Variants in SLC16A6 observed in about 807,000 individuals in gnomAD.
SLC16A6 encodes monocarboxylate transporter 7.
Under a neutral mutation model 33.8 loss-of-function variants are expected in SLC16A6, and 15 were observed. That is an observed-to-expected ratio of 0.44 (90% CI 0.30 to 0.68). The LOEUF is 0.68. SLC16A6 is among the 30% of genes least tolerant of loss of function. The probability of loss-of-function intolerance (pLI) is 0.10; values close to 1 mark genes in which losing one functional copy is unlikely to be tolerated. For synonymous variants in SLC16A6, 219 were observed against 248.4 expected, an observed-to-expected ratio of 0.88 and a Z score of 1.11; for missense variants, 451 against 661.5, an observed-to-expected ratio of 0.68 and a Z score of 3.49.
intron 1 of SLC16A6, among the ~76,000 whole-genome samples, chr17:68,284,348 C>T (rs1000901843): frequency 1.3e-5 from 2 of 152,144 alleles, no homozygotes; most frequent in Admixed American, 1.3e-4. Context: ...GAGCCAAGAT[C>T]GTGCCACTGC....
At chr17:68,282,553 C>G (rs1219783077) in intron 1 of SLC16A6, among the ~76,000 whole-genome samples, 5 of 151,286 alleles carry the variant, frequency 3.3e-5, no homozygotes, top group African/African-American at 1.2e-4. Context: ...AATCCCAGCA[C>G]TTTGGGAAAC....
intron 1 of SLC16A6, among the ~76,000 whole-genome samples, chr17:68,280,179 CAAA>C (rs58937538): frequency 0.22 from 19,415 of 87,026 alleles, 1,156 homozygotes; most frequent in East Asian, 0.34. Flanking sequence ...AACTCTGTCT[CAAA>C]AAAAAAAAAA....
intron 1 of SLC16A6, among the ~76,000 whole-genome samples, chr17:68,289,617 G>C (rs2075922745): frequency 6.6e-6 from 1 of 152,172 alleles, no homozygotes; most frequent in Non-Finnish European, 1.5e-5. Context: ...GTCTGTATTT[G>C]GCTAAAGTTC....
Position 68,278,073 on chromosome 17 carries a change from C to A in SLC16A6, c.232+16G>T. The A allele has an allele frequency of 1.9e-6, 3 of 1,589,154 alleles. No individual in the cohort carries two copies. In the African/African-American group the frequency reaches 4.0e-5, roughly 21 times the overall value. On this transcript the variant is annotated intron_variant, in intron 2 of 5. Transcript: ENST00000580666. ...CCCTATACTTACGTCATGGTTAGGCCGAAAGATGTACTAACCTGAAAATGT... is the reference window on the plus strand; with the variant it reads ...CCCTATACTTACGTCATGGTTAGGCAGAAAGATGTACTAACCTGAAAATGT...
intron 1 of SLC16A6, among the ~76,000 whole-genome samples, chr17:68,290,742 TGGAGCCCCCGACTCTTCCGACGTCCC>T (rs1435363143): frequency 6.6e-5 from 10 of 152,322 alleles, no homozygotes; most frequent in East Asian, 3.9e-4. Context: ...GGGCTGAGCC[TGGAGCCCCCGACTCTTCCGACGTCCC>T]GGAGCCCCCA....
chr17:68,288,671 C>T (rs1480419432), intron 1 of SLC16A6, among the ~76,000 whole-genome samples: 1 of 152,150 alleles, frequency 6.6e-6, no homozygotes, highest in Non-Finnish European at 1.5e-5. Flanking sequence ...CTCTTCCTGC[C>T]CTAATAGTCT....
At chr17:68,291,470 G>T (rs1427550169), upstream of SLC16A6, 1 of 150,804 alleles carries the variant, frequency 6.6e-6, no homozygotes, top group African/African-American at 2.4e-5. Flanking sequence ...CGCAGCCAAG[G>T]AGGGGGCCTG....
intron 2 of SLC16A6, 105 bp from the exon 3 acceptor site, chr17:68,274,175 T>C: frequency 7.8e-7 from 1 of 1,284,034 alleles, no homozygotes; most frequent in East Asian, 2.4e-5. Flanking sequence ...TGATGTCGAA[T>C]ATAAATATGG....
At chr17:68,289,519 A>G (rs2075918857) in intron 1 of SLC16A6, among the ~76,000 whole-genome samples, 2 of 152,260 alleles carry the variant, frequency 1.3e-5, no homozygotes, top group Non-Finnish European at 1.5e-5. Flanking sequence ...GACCTCGAGC[A>G]AAAGCACTGC....
intron 1 of SLC16A6, among the ~76,000 whole-genome samples, chr17:68,289,549 A>C (rs1481075223): frequency 1.3e-5 from 2 of 152,234 alleles, no homozygotes; most frequent in African/African-American, 4.8e-5. Context: ...TTCTTCTTAA[A>C]GGCGTAGCCC....
rs183820576 is a variant in SLC16A6, at chr17:68,276,176, C to T, written c.232+1913G>A. ...TGGCACAATCTCAGCTCACTGCAAC[C>T]TCTGCCTCCCAGGATCAAGTGATTC... On this transcript the variant is annotated intron_variant, in intron 2 of 5. Transcript: ENST00000580666. 2.0e-3 allele frequency among the ~76,000 whole-genome samples: 296 copies of T among 151,610 alleles called. 5 individuals carry two copies. Among genetic ancestry groups the T allele is most frequent in the Middle Eastern group, 0.017 (5 of 294 alleles).
At chr17:68,285,384 G>C (rs1412055043) in intron 1 of SLC16A6, among the ~76,000 whole-genome samples, 2 of 152,186 alleles carry the variant, frequency 1.3e-5, no homozygotes, top group Non-Finnish European at 2.9e-5. Context: ...AAACTCCTGG[G>C]CTCGTGCAGG....
intron 1 of SLC16A6, among the ~76,000 whole-genome samples, chr17:68,280,830 T>C (rs937830326): frequency 3.4e-4 from 52 of 152,178 alleles, no homozygotes; most frequent in African/African-American, 1.2e-3. Context: ...AAAGGAAACA[T>C]ATCAACAGAG....
intron 1 of SLC16A6, among the ~76,000 whole-genome samples, chr17:68,289,225 G>A (rs2075910582): frequency 6.6e-6 from 1 of 152,120 alleles, no homozygotes; most frequent in Admixed American, 6.6e-5. Flanking sequence ...TTGAGCCCGG[G>A]AGGTCGAGGC....
intron 1 of SLC16A6, among the ~76,000 whole-genome samples, chr17:68,283,878 C>CAAAAAAAAAA (rs58291216): frequency 1.8e-5 from 1 of 55,430 alleles, no homozygotes; most frequent in Non-Finnish European, 3.4e-5. Flanking sequence ...AACTCCGTCT[C>CAAAAAAAAAA]AAAAAAAAAA....
chr17:68,282,398 T>C (rs1336492926), intron 1 of SLC16A6, among the ~76,000 whole-genome samples: 5 of 151,902 alleles, frequency 3.3e-5, no homozygotes, highest in African/African-American at 9.7e-5. Context: ...ATATACCTAA[T>C]GTTAAATGAC....
chr17:68,276,806 G>A, intron 2 of SLC16A6, among the ~76,000 whole-genome samples: 1 of 151,990 alleles, frequency 6.6e-6, no homozygotes, highest in East Asian at 1.9e-4. Flanking sequence ...GAAAACCCTT[G>A]GCAATTATTT....
At position 68,267,433 on chromosome 17, in the gene SLC16A6, C is replaced by G. The variant is rs782087205; in HGVS notation, c.*1663G>C. The G allele has an allele frequency of 5.9e-5, 9 of 152,146 alleles. No homozygotes were observed. The highest frequency in any genetic ancestry group is 1.2e-4 in the Non-Finnish European group (8 of 68,034). The allele number at this position is 152,146 out of a possible 1,614,324, so 9.4% of individuals were successfully genotyped here. On this transcript the variant is annotated 3_prime_UTR_variant, in exon 6 of 6. Transcript: ENST00000580666. ...CCTCCCCAAAGTTTTATAGATTGTCCTATTTCTATGGCTGATAAGATGCTC... is the reference window on the plus strand; with the variant it reads ...CCTCCCCAAAGTTTTATAGATTGTCGTATTTCTATGGCTGATAAGATGCTC...
intron 2 of SLC16A6, among the ~76,000 whole-genome samples, chr17:68,275,224 C>A (rs1317537234): frequency 6.6e-6 from 1 of 152,144 alleles, no homozygotes; most frequent in Non-Finnish European, 1.5e-5. Context: ...TTAAATCTGG[C>A]AAATTAGTTT....
Sources: allele counts gnomAD v4.1 joint callset (sites outside exome capture counted in the v4.1 genomes callset), GRCh38; gene constraint gnomAD v4.1.1; transcripts MANE v1.5; gene names NCBI Gene and HGNC (gene_info 2026-07-23, HGNC 2026-07-21).